The following TASP1 variants were observed in gnomAD, a reference collection of about 807,000 sequenced individuals.
The protein encoded by TASP1 is threonine aspartase 1.
Under a neutral mutation model 56.6 loss-of-function variants are expected in TASP1, and 16 were observed. The ratio of observed to expected loss-of-function variants is 0.28; its 90% CI spans 0.19 to 0.43. The LOEUF is 0.43. Among genes scored for constraint, TASP1 ranks in the 20% least tolerant of loss-of-function variants. The pLI, the probability that TASP1 is intolerant of heterozygous loss-of-function variation, is 1.00. For missense variants in TASP1, 393 were observed against 511.6 expected (o/e 0.77, Z 2.24); for synonymous variants, 179 against 184.2 (o/e 0.97, Z 0.23).
chr20:13,107,516 T>C, the TASP1 span, among the ~76,000 whole-genome samples: 1 of 152,110 alleles, frequency 6.6e-6, no homozygotes, highest in Non-Finnish European at 1.5e-5. Context: ...CTCTGTAAAT[T>C]TGTCAATTAG....
At chr20:13,210,616 C>CATGT in the TASP1 span, among the ~76,000 whole-genome samples, 3 of 147,406 alleles carry the variant, frequency 2.0e-5, no homozygotes, top group African/African-American at 7.5e-5. Context: ...CATGTGCACA[C>CATGT]GTGTGTGTGT....
the TASP1 span, among the ~76,000 whole-genome samples, chr20:13,231,463 T>A: frequency 6.6e-6 from 1 of 152,138 alleles, no homozygotes; most frequent in Non-Finnish European, 1.5e-5. Context: ...CCATGGTCCT[T>A]TACTATCTTA....
At chr20:13,288,114 G>C in the TASP1 span, among the ~76,000 whole-genome samples, 4 of 152,178 alleles carry the variant, frequency 2.6e-5, no homozygotes, top group Admixed American at 1.3e-4. Flanking sequence ...GAAGCTGCCA[G>C]GCCTTAAGGT....
the TASP1 span, among the ~76,000 whole-genome samples, chr20:13,379,251 C>G: frequency 6.6e-6 from 1 of 152,150 alleles, no homozygotes; most frequent in Admixed American, 6.5e-5. Context: ...GCTTCAGGAG[C>G]TCTTGTAAGG....
the TASP1 span, among the ~76,000 whole-genome samples, chr20:13,378,021 C>A: frequency 1.3e-5 from 2 of 152,170 alleles, no homozygotes; most frequent in Non-Finnish European, 2.9e-5. Flanking sequence ...TTTCAAATAA[C>A]CCGCTCCTGG....
intron 4 of TASP1, among the ~76,000 whole-genome samples, chr20:13,604,710 T>G (rs1179043924): frequency 1.3e-5 from 2 of 152,054 alleles, no homozygotes; most frequent in African/African-American, 2.4e-5. Context: ...GAAATGCAAA[T>G]TAAAACCACC....
chr20:13,177,529 A>G, the TASP1 span, among the ~76,000 whole-genome samples: 1 of 152,228 alleles, frequency 6.6e-6, no homozygotes, highest in Non-Finnish European at 1.5e-5. Flanking sequence ...AAGCTGTAGT[A>G]ACCAAAACAT....
chr20:13,455,004 C>T (rs1318611294), intron 11 of TASP1, among the ~76,000 whole-genome samples: 1 of 152,062 alleles, frequency 6.6e-6, no homozygotes, highest in Non-Finnish European at 1.5e-5. Flanking sequence ...CATATTTTTA[C>T]ATTCTACACA....
chr20:13,110,683 C>G, the TASP1 span, among the ~76,000 whole-genome samples: 49 of 152,242 alleles, frequency 3.2e-4, no homozygotes, highest in Middle Eastern at 6.8e-3. Flanking sequence ...TACAAAAGAT[C>G]TGCCTGTTTT....
intron 5 of TASP1, among the ~76,000 whole-genome samples, chr20:13,584,134 G>C (rs973342660): frequency 4.6e-5 from 7 of 151,842 alleles, no homozygotes; most frequent in Non-Finnish European, 1.0e-4. Flanking sequence ...CAATGCCTAC[G>C]GTATTACTGT....
chr20:13,135,626 T>C, the TASP1 span, among the ~76,000 whole-genome samples: 2 of 152,234 alleles, frequency 1.3e-5, no homozygotes, highest in Non-Finnish European at 2.9e-5. Context: ...GGCCCACTTA[T>C]CTGAAGATCT....
the TASP1 span, among the ~76,000 whole-genome samples, chr20:13,307,459 A>G: frequency 6.6e-6 from 1 of 152,216 alleles, no homozygotes; most frequent in Non-Finnish European, 1.5e-5. Context: ...AATGTTCTAT[A>G]TATTGTGTGG....
chr20:13,193,504 C>T, the TASP1 span, among the ~76,000 whole-genome samples: 2 of 152,170 alleles, frequency 1.3e-5, no homozygotes, highest in African/African-American at 2.4e-5. Context: ...AGAGCAAAAA[C>T]ATGAAATAGC....
chr20:13,574,939 A>T (rs2046845177), intron 6 of TASP1, among the ~76,000 whole-genome samples: 1 of 152,084 alleles, frequency 6.6e-6, no homozygotes, highest in East Asian at 1.9e-4. Flanking sequence ...ATAATGAGGA[A>T]TTTTTTTCCC....
chr20:13,326,193 A>G, the TASP1 span, among the ~76,000 whole-genome samples: 1 of 152,124 alleles, frequency 6.6e-6, no homozygotes, highest in East Asian at 1.9e-4. Context: ...GATGCACCAG[A>G]GCTTGTTTAT....
chr20:13,573,969 A>T (rs1201859617), intron 6 of TASP1, among the ~76,000 whole-genome samples: 1 of 152,212 alleles, frequency 6.6e-6, no homozygotes. Context: ...CCATGTAGCC[A>T]GAGTTCACAA....
chr20:13,299,173 G>A, the TASP1 span: 3 of 1,607,864 alleles, frequency 1.9e-6, no homozygotes, highest in South Asian at 1.1e-5. This position sits in a 1 kb window ranked among gnomAD's most constrained non-coding sequence, Gnocchi z 5.8. Flanking sequence ...TACTGCATCC[G>A]CTCCATGCTG....
chr20:13,154,210 G>A, the TASP1 span: 529 of 1,574,684 alleles, frequency 3.4e-4, no homozygotes, highest in Non-Finnish European at 3.7e-4. Flanking sequence ...TGGCACAGGC[G>A]TTAGATTATG....
At chr20:13,317,772 C>T in the TASP1 span, among the ~76,000 whole-genome samples, 1 of 152,040 alleles carries the variant, frequency 6.6e-6, no homozygotes, top group Admixed American at 6.6e-5. Flanking sequence ...AGACTTTATA[C>T]CCTTCACAAA....
Sources: allele counts gnomAD v4.1 joint callset (sites outside exome capture counted in the v4.1 genomes callset), GRCh38; gene constraint gnomAD v4.1.1; non-coding constraint Gnocchi (gnomAD v3.1); transcripts MANE v1.5; gene names NCBI Gene and HGNC (gene_info 2026-07-23, HGNC 2026-07-21).